Variants in CCDC171 observed in about 807,000 individuals in gnomAD.
CCDC171 encodes the protein coiled-coil domain containing 171.
In CCDC171, 177 loss-of-function variants were observed where a neutral mutation model predicts 168.2. The observed-to-expected ratio is 1.05, with a 90% CI of 0.93 to 1.19. The LOEUF (loss-of-function observed/expected upper bound fraction) is 1.19. Ranked by LOEUF, CCDC171 falls within the 50% of genes most tolerant of loss-of-function variation. CCDC171 has a pLI of 0.00. For synonymous variants in CCDC171, 687 were observed against 540.8 expected, an observed-to-expected ratio of 1.27 and a Z score of -3.75; for missense variants, 1,991 against 1,539.0, an observed-to-expected ratio of 1.29 and a Z score of -4.91.
chr9:16,100,397 G>A, the CCDC171 span, among the ~76,000 whole-genome samples: 1 of 152,174 alleles, frequency 6.6e-6, no homozygotes, highest in Non-Finnish European at 1.5e-5. Context: ...CTTGCAGATA[G>A]AGCTCAGGAT....
At chr9:15,664,588 A>ACACACACACACACACACACACACT (rs1368494841) in intron 8 of CCDC171, among the ~76,000 whole-genome samples, 68 of 150,196 alleles carry the variant, frequency 4.5e-4, no homozygotes, top group South Asian at 1.3e-3. Context: ...ACACACACAC[A>ACACACACACACACACACACACACT]CTCACACGAG....
chr9:15,629,997 AG>A (rs1281863351), intron 7 of CCDC171, among the ~76,000 whole-genome samples: 1 of 152,250 alleles, frequency 6.6e-6, no homozygotes, highest in Non-Finnish European at 1.5e-5. Context: ...TGTCACCACC[AG>A]GCCTGCCCTG....
intron 18 of CCDC171, among the ~76,000 whole-genome samples, chr9:15,748,409 A>G (rs1008668899): frequency 6.6e-6 from 1 of 152,210 alleles, no homozygotes; most frequent in African/African-American, 2.4e-5. Flanking sequence ...TCAGGATATT[A>G]TCGAGGAGAA....
intron 18 of CCDC171, among the ~76,000 whole-genome samples, chr9:15,770,515 TA>T (rs2056959520): frequency 6.6e-6 from 1 of 152,166 alleles, no homozygotes; most frequent in African/African-American, 2.4e-5. Context: ...ATCATTTGTC[TA>T]AAATGATAAC....
chr9:15,642,339 GTGTGTATATATATA>G (rs2046687417), intron 7 of CCDC171, among the ~76,000 whole-genome samples: 1 of 83,716 alleles, frequency 1.2e-5, no homozygotes, highest in African/African-American at 6.6e-5. Flanking sequence ...ACACGTGTGT[GTGTGTATATATATA>G]TATATATATA....
intron 11 of CCDC171, among the ~76,000 whole-genome samples, chr9:15,697,019 C>T (rs115818961): frequency 0.012 from 1,825 of 152,268 alleles, 27 homozygotes; most frequent in African/African-American, 0.042. Context: ...GATCCATTCT[C>T]CTCTGTTCTG....
At chr9:15,779,619 C>A (rs184873079) in intron 20 of CCDC171, among the ~76,000 whole-genome samples, 10 of 152,286 alleles carry the variant, frequency 6.6e-5, no homozygotes, top group Admixed American at 1.3e-4. Context: ...CTCAGCCTCC[C>A]AAAGTGCTGG....
chr9:15,643,786 G>A (rs546425438), intron 7 of CCDC171, among the ~76,000 whole-genome samples: 15 of 152,070 alleles, frequency 9.9e-5, no homozygotes, highest in African/African-American at 3.4e-4. Flanking sequence ...CTCTGGATTT[G>A]CCTATTCTGG....
At chr9:15,687,449 C>CA (rs2050478356) in intron 10 of CCDC171, among the ~76,000 whole-genome samples, 1 of 149,464 alleles carries the variant, frequency 6.7e-6, no homozygotes, top group Admixed American at 6.6e-5. Flanking sequence ...ATCCTCAAAT[C>CA]AATAACCTAA....
the CCDC171 span, among the ~76,000 whole-genome samples, chr9:16,066,764 A>T: frequency 6.7e-6 from 1 of 150,208 alleles, no homozygotes; most frequent in African/African-American, 2.5e-5. Context: ...TTCCAATTTC[A>T]TCCATGTCCC....
intron 25 of CCDC171, among the ~76,000 whole-genome samples, chr9:15,971,045 TTAAAG>T (rs1215314328): frequency 8.5e-5 from 13 of 152,132 alleles, no homozygotes; most frequent in African/African-American, 2.9e-4. Flanking sequence ...GGCATTATTA[TTAAAG>T]TAAAGCCAAA....
In CCDC171 at chr9:15,988,511, G is replaced by A. The variant is rs1215186870; in HGVS notation, n.369-32078G>A. Reference sequence around the variant, plus strand: ...TCCCAGCTTGAGTGACACAGAAGACGGGTGATTTCTCCATTTCCAACTGAG... The same window carrying A: ...TCCCAGCTTGAGTGACACAGAAGACAGGTGATTTCTCCATTTCCAACTGAG... On this transcript the variant is annotated intron_variant and non_coding_transcript_variant, in intron 3 of 9. Coordinates refer to the CCDC171 transcript ENST00000486641. Among the ~76,000 whole-genome samples the A allele has an allele frequency of 5.3e-5, 8 of 152,284 alleles. No homozygotes were observed. In the East Asian group the frequency reaches 9.7e-4, roughly 18 times the overall value.
intron 4 of CCDC171, among the ~76,000 whole-genome samples, chr9:15,582,204 A>G (rs922730615): frequency 6.6e-6 from 1 of 152,238 alleles, no homozygotes; most frequent in Non-Finnish European, 1.5e-5. Flanking sequence ...TCATTAGAGA[A>G]ATGCAAATCA....
At chr9:15,910,134 T>A (rs1823399590) in intron 24 of CCDC171, among the ~76,000 whole-genome samples, 1 of 151,778 alleles carries the variant, frequency 6.6e-6, no homozygotes, top group African/African-American at 2.4e-5. Flanking sequence ...TGAGTTTCCT[T>A]TTTTTAATGC....
chr9:15,838,027 C>G (rs1187180630), intron 21 of CCDC171, among the ~76,000 whole-genome samples: 2 of 151,994 alleles, frequency 1.3e-5, no homozygotes, highest in African/African-American at 4.8e-5. Context: ...TTTGGTGTTC[C>G]TAAAATAATA....
chr9:15,815,523 C>T (rs1254685557), intron 21 of CCDC171, among the ~76,000 whole-genome samples: 1 of 111,534 alleles, frequency 9.0e-6, no homozygotes, highest in Non-Finnish European at 2.0e-5. Context: ...TATTTACCTC[C>T]TTCTTATTTT....
intron 18 of CCDC171, among the ~76,000 whole-genome samples, chr9:15,763,595 G>T (rs955224895): frequency 6.6e-6 from 1 of 152,172 alleles, no homozygotes; most frequent in African/African-American, 2.4e-5. Flanking sequence ...GGTTTTAGAG[G>T]TTATCTCCCA....
In CCDC171 at chr9:15,698,081, A is replaced by G. The variant is rs1564233993; in HGVS notation, c.1318+2744A>G. 4.1e-5 allele frequency among the ~76,000 whole-genome samples: 6 copies of G among 147,302 alleles called. No individual in the cohort carries two copies. In the South Asian group the frequency reaches 8.6e-4, roughly 21 times the overall value. ...TAACTGTAGAGTTCAATACTGTGCT[A>G]TTGAACTCTAGAACTTATTTCTTCT... On this transcript the variant is annotated intron_variant, in intron 11 of 25. Transcript: ENST00000380701.
At position 15,964,159 on chromosome 9, in the gene CCDC171, A is replaced by G. The variant is rs575458238; in HGVS notation, c.3754-7450A>G. ...GGGAAATAAACTTTTATTTAAGCCAATGACATTTAGAGTTTTCTCTTACAA... is the reference window on the plus strand; with the variant it reads ...GGGAAATAAACTTTTATTTAAGCCAGTGACATTTAGAGTTTTCTCTTACAA... On this transcript the variant is annotated intron_variant, in intron 25 of 25. Coordinates refer to ENST00000380701, the MANE Select transcript of CCDC171 (RefSeq NM_173550.4). Among the ~76,000 whole-genome samples, 4 of 152,320 alleles carry G rather than the reference A, an allele frequency of 2.6e-5. No individual in the cohort carries two copies. The South Asian group carries it at 6.2e-4, about 24-fold the overall frequency.
Sources: allele counts gnomAD v4.1 joint callset (sites outside exome capture counted in the v4.1 genomes callset), GRCh38; gene constraint gnomAD v4.1.1; transcripts MANE v1.5; gene names NCBI Gene and HGNC (gene_info 2026-07-23, HGNC 2026-07-21).